VIT: variants seen among roughly 807,000 people sequenced by gnomAD.
The protein encoded by VIT is vitrin.
VIT carries 99 observed loss-of-function variants against 78.0 expected under a neutral mutation model. The observed-to-expected ratio is 1.27, with a 90% confidence interval of 1.08 to 1.50. The LOEUF (loss-of-function observed/expected upper bound fraction) is 1.50, where lower values mean the gene tolerates loss of function less well. Ranked by LOEUF, VIT falls within the 40% of genes most tolerant of loss-of-function variation. The pLI is 0.00. For missense variants in VIT, 1,126 were observed against 875.3 expected (o/e 1.29, Z -3.61); for synonymous variants, 374 against 334.3 (o/e 1.12, Z -1.29).
At chr2:36,770,942 G>T (rs1277125604) in intron 7 of VIT, among the ~76,000 whole-genome samples, 1 of 152,184 alleles carries the variant, frequency 6.6e-6, no homozygotes, top group Non-Finnish European at 1.5e-5. Flanking sequence ...TCTACCCTGG[G>T]CTCCACCTTC....
chr2:36,743,642 G>A (rs536688567), intron 4 of VIT, among the ~76,000 whole-genome samples: 69 of 152,154 alleles, frequency 4.5e-4, no homozygotes, highest in South Asian at 2.1e-3. Context: ...TTGTTATCCC[G>A]ATTGAGAGTC....
chr2:36,765,447 G>GAGAGAGAGAGAGAGAGAGAGAGAGAGA (rs759255390), intron 6 of VIT, among the ~76,000 whole-genome samples: 1 of 148,794 alleles, frequency 6.7e-6, no homozygotes, highest in Non-Finnish European at 1.5e-5. Flanking sequence ...GAGAGAGAGA[G>GAGAGAGAGAGAGAGAGAGAGAGAGAGA]GAAAAACTGC....
intron 2 of VIT, among the ~76,000 whole-genome samples, chr2:36,719,760 G>A (rs1666378665): frequency 6.6e-6 from 1 of 152,166 alleles, no homozygotes; most frequent in South Asian, 2.1e-4. Context: ...AAAGCATGGA[G>A]AAACCCTGTA....
chr2:36,770,687 A>G lies in VIT; in HGVS notation c.680-3104A>G, dbSNP rs531865580. 2.0e-5 allele frequency among the ~76,000 whole-genome samples: 3 copies of G among 152,332 alleles called. No homozygotes were observed. In the South Asian group the frequency reaches 6.2e-4, roughly 32 times the overall value. On this transcript the variant is annotated intron_variant, in intron 7 of 15. Transcript: ENST00000379242. ...CCAGATCTATAGATATGCTTAGGAA[A>G]GAGTTCTGGAAAAGACAGAAAATCC...
rs1664713688 is a variant in VIT, at chr2:36,696,868, G to A, written c.-124G>A. ...TGGACCTCTCCCTGTTTCTTCCTTA[G>A]AATAATTTGGATGGGATTTGTGATG... On this transcript the variant is annotated 5_prime_UTR_variant, in exon 1 of 16. Transcript: ENST00000379242. 1 of 152,034 alleles carries A rather than the reference G, an allele frequency of 6.6e-6. No individual in the cohort carries two copies. Among genetic ancestry groups the A allele is most frequent in the Admixed American group, 6.6e-5 (1 of 15,264 alleles). 9.4% of individuals were successfully genotyped at this position (152,034 alleles called of 1,614,324 possible).
intron 12 of VIT, among the ~76,000 whole-genome samples, chr2:36,789,344 G>T (rs898740162): frequency 6.6e-6 from 1 of 152,178 alleles, no homozygotes; most frequent in Admixed American, 6.5e-5. Context: ...CTGTAATTCA[G>T]TGACCAGCTC....
intron 13 of VIT, among the ~76,000 whole-genome samples, chr2:36,802,497 T>C (rs1158863653): frequency 3.3e-5 from 5 of 152,218 alleles, no homozygotes; most frequent in East Asian, 1.9e-4. Flanking sequence ...TATGTCTCTA[T>C]AGTGACCAGA....
At chr2:36,719,435 A>G (rs753307749) in intron 2 of VIT, among the ~76,000 whole-genome samples, 1 of 152,222 alleles carries the variant, frequency 6.6e-6, no homozygotes, top group Non-Finnish European at 1.5e-5. Flanking sequence ...GAAAGCCCTA[A>G]AGACTCCACC....
intron 15 of VIT, among the ~76,000 whole-genome samples, chr2:36,813,274 AC>A (rs1198566556): frequency 6.6e-6 from 1 of 151,828 alleles, no homozygotes; most frequent in Admixed American, 6.5e-5. Flanking sequence ...ACATGGTGAA[AC>A]CCTGTCTCTA....
rs779385194 is a variant in VIT at position 36,775,056 on chromosome 2, A to G, written c.791A>G (p.Asp264Gly). Residue 264 changes from aspartate (D) to glycine (G), a missense_variant, in exon 9 of 16, where the codon GAT (aspartate) becomes GGT (glycine). By Grantham distance (94) the Asp-to-Gly change is moderately conservative. Transcript: ENST00000379242. Reference sequence around the variant, plus strand: ...GCCTTCCAGAAACCTGTTGGAGCGGATGTCAGCCTGGGTAAGCTGCCCACT... The same window carrying G: ...GCCTTCCAGAAACCTGTTGGAGCGGGTGTCAGCCTGGGTAAGCTGCCCACT... ...GAAFQKPVGA[D>G]VSLGEMDSWK... 1 of 1,613,920 alleles carries G rather than the reference A, an allele frequency of 6.2e-7. No homozygotes were observed. Among genetic ancestry groups the G allele is most frequent in the Non-Finnish European group, 8.5e-7 (1 of 1,180,006 alleles).
intron 2 of VIT, among the ~76,000 whole-genome samples, chr2:36,728,530 T>TGTTTTATAAATTTAGTGTAGA: frequency 1.0e-5 from 1 of 96,658 alleles, no homozygotes; most frequent in Admixed American, 9.6e-5. Context: ...AGAAAAAATA[T>TGTTTTATAAATTTAGTGTAGA]TGGCCGGGCG....
At chr2:36,745,525 C>T (rs578069516) in intron 4 of VIT, among the ~76,000 whole-genome samples, 31 of 152,122 alleles carry the variant, frequency 2.0e-4, no homozygotes, top group African/African-American at 7.5e-4. Flanking sequence ...GGAGATCTTT[C>T]ACCTCCTCAG....
At chr2:36,774,251 C>T (rs1408622555) in intron 8 of VIT, among the ~76,000 whole-genome samples, 3 of 125,526 alleles carry the variant, frequency 2.4e-5, no homozygotes, top group East Asian at 2.0e-4. Context: ...TTCTATGCCA[C>T]GGGGGACAGA....
At chr2:36,764,753 G>A (rs1188360938) in intron 6 of VIT, among the ~76,000 whole-genome samples, 2 of 152,146 alleles carry the variant, frequency 1.3e-5, no homozygotes, top group East Asian at 3.9e-4. Context: ...AGACGGCAGA[G>A]TCAGGGTGGG....
rs776650426 is a variant in VIT, at chr2:36,758,949, T to C, written c.410-20T>C. 4 of 1,603,194 alleles carry C rather than the reference T, an allele frequency of 2.5e-6. No homozygotes were observed. Among genetic ancestry groups the C allele is most frequent in the Non-Finnish European group, 3.4e-6 (4 of 1,173,766 alleles). On this transcript the variant is annotated intron_variant, in intron 5 of 15. Coordinates refer to ENST00000379242, the MANE Select transcript of VIT (RefSeq NM_053276.4). Reference sequence around the variant, plus strand: ...CTAGCTCTAGAAATAAATCTCGTTTTTTTTTTCTCTTTTTTGCAGAAAGTA... The same window carrying C: ...CTAGCTCTAGAAATAAATCTCGTTTCTTTTTTCTCTTTTTTGCAGAAAGTA...
chr2:36,700,406 G>T (rs1664977666), intron 1 of VIT, among the ~76,000 whole-genome samples: 1 of 151,980 alleles, frequency 6.6e-6, no homozygotes, highest in South Asian at 2.1e-4. Flanking sequence ...GGCGGTGGTG[G>T]TGGCGATGTT....
At chr2:36,758,507 T>C (rs982939960) in intron 5 of VIT, among the ~76,000 whole-genome samples, 2 of 152,256 alleles carry the variant, frequency 1.3e-5, no homozygotes, top group African/African-American at 4.8e-5. Context: ...TTGACCTATA[T>C]TTACCTACTT....
At chr2:36,775,913 A>C (rs1017933534) in intron 9 of VIT, among the ~76,000 whole-genome samples, 1 of 152,200 alleles carries the variant, frequency 6.6e-6, no homozygotes, top group African/African-American at 2.4e-5. Context: ...GAACATTTGG[A>C]GTTCTTAGAT....
chr2:36,814,173 G>A lies in VIT; in HGVS notation c.1904-10G>A, dbSNP rs548907504. On this transcript the variant is annotated splice_polypyrimidine_tract_variant and intron_variant, in intron 15 of 15. Transcript: ENST00000379242. ...GGGGACATTTGTTCATCTAACCTTT[G>A]TCCCCACAGGAGTGATCACCTATGC... The A allele has an allele frequency of 1.4e-5, 23 of 1,612,112 alleles. No individual in the cohort carries two copies. Among genetic ancestry groups the A allele is most frequent in the Non-Finnish European group, 1.9e-5 (22 of 1,178,794 alleles).
Sources: allele counts gnomAD v4.1 joint callset (sites outside exome capture counted in the v4.1 genomes callset), GRCh38; gene constraint gnomAD v4.1.1; transcripts MANE v1.5; gene names NCBI Gene and HGNC (gene_info 2026-07-23, HGNC 2026-07-21).